Variants in SRD5A2 observed in about 807,000 individuals in gnomAD.
SRD5A2 encodes the protein 3-oxo-5-alpha-steroid 4-dehydrogenase 2.
SRD5A2 carries 30 observed loss-of-function variants against 27.4 expected under a neutral mutation model. The ratio of observed to expected loss-of-function variants is 1.10; its 90% confidence interval spans 0.82 to 1.49. SRD5A2 has a LOEUF of 1.49. SRD5A2 is among the 40% of genes most tolerant of loss of function. The pLI is 0.00. For missense variants in SRD5A2, 348 were observed against 323.4 expected (o/e 1.08, Z -0.58); for synonymous variants, 141 against 133.6 (o/e 1.06, Z -0.38).
the SRD5A2 span, among the ~76,000 whole-genome samples, chr2:31,621,225 T>C: frequency 6.6e-6 from 1 of 152,000 alleles, no homozygotes; most frequent in Non-Finnish European, 1.5e-5. Context: ...CAAAGGTTCC[T>C]TAGTTTGCCC....
chr2:31,651,458 C>T, the SRD5A2 span: 6 of 230,798 alleles, frequency 2.6e-5, no homozygotes, highest in East Asian at 6.6e-4. Context: ...GCTGGCCAAG[C>T]AGACTTATGG....
chr2:31,649,637 A>G, the SRD5A2 span, among the ~76,000 whole-genome samples: 179 of 152,084 alleles, frequency 1.2e-3, no homozygotes, highest in African/African-American at 4.1e-3. Flanking sequence ...TCAGTTTATC[A>G]CACTCTTCTG....
chr2:31,628,770 C>T, the SRD5A2 span, among the ~76,000 whole-genome samples: 1 of 152,024 alleles, frequency 6.6e-6, no homozygotes, highest in South Asian at 2.1e-4. Context: ...AATAGGCTCC[C>T]AATCTCTTCT....
At chr2:31,586,347 G>C in the SRD5A2 span, among the ~76,000 whole-genome samples, 1 of 152,222 alleles carries the variant, frequency 6.6e-6, no homozygotes, top group Non-Finnish European at 1.5e-5. Context: ...CTGAAGGGAA[G>C]GGCACAGACC....
the SRD5A2 span, among the ~76,000 whole-genome samples, chr2:31,624,245 CTT>C: frequency 4.6e-5 from 7 of 152,078 alleles, no homozygotes; most frequent in South Asian, 2.1e-4. Context: ...CAATTATACT[CTT>C]TTAGTTACTT....
chr2:31,526,831 T>C (rs1363772534), intron 4 of SRD5A2: 1 of 153,366 alleles, frequency 6.5e-6, no homozygotes, highest in African/African-American at 2.4e-5. Flanking sequence ...CTAGGACCAT[T>C]GCAGATAAAA....
At chr2:31,554,991 C>G (rs1012553707) in intron 1 of SRD5A2, among the ~76,000 whole-genome samples, 1 of 147,250 alleles carries the variant, frequency 6.8e-6, no homozygotes, top group African/African-American at 2.5e-5. Context: ...GTGTTACCGC[C>G]AGGCCAGTGA....
At chr2:31,653,849 G>A in the SRD5A2 span, among the ~76,000 whole-genome samples, 1,026 of 152,122 alleles carry the variant, frequency 6.7e-3, 76 homozygotes, top group East Asian at 0.16. Context: ...TAGTAGAAAC[G>A]GGTTTCACCA....
the SRD5A2 span, among the ~76,000 whole-genome samples, chr2:31,629,042 G>C: frequency 6.6e-6 from 1 of 151,976 alleles, no homozygotes; most frequent in East Asian, 1.9e-4. Context: ...AAAACTTATT[G>C]GTGAACCTTG....
chr2:31,572,078 C>T (rs1482385141), intron 1 of SRD5A2, among the ~76,000 whole-genome samples: 1 of 152,092 alleles, frequency 6.6e-6, no homozygotes, highest in Non-Finnish European at 1.5e-5. Context: ...TGAACTCAAC[C>T]TAAATATCCA....
At chr2:31,564,823 A>T (rs1666696890) in intron 1 of SRD5A2, among the ~76,000 whole-genome samples, 1 of 152,014 alleles carries the variant, frequency 6.6e-6, no homozygotes, top group Non-Finnish European at 1.5e-5. Flanking sequence ...AAGAAATAAA[A>T]ACACTTTCAG....
the SRD5A2 span, among the ~76,000 whole-genome samples, chr2:31,645,148 A>C: frequency 5.3e-5 from 8 of 152,172 alleles, no homozygotes; most frequent in African/African-American, 1.9e-4. Context: ...CACGTGTTTC[A>C]AGCTTTGAAG....
chr2:31,592,587 C>T, the SRD5A2 span, among the ~76,000 whole-genome samples: 3 of 152,128 alleles, frequency 2.0e-5, no homozygotes, highest in South Asian at 2.1e-4. Context: ...GGTGGCTAGA[C>T]CCAGAAAGGC....
chr2:31,580,599 C>A (rs757173295), intron 1 of SRD5A2, 21 bp downstream of exon 1: 1 of 1,510,668 alleles, frequency 6.6e-7, no homozygotes, highest in Admixed American at 2.0e-5. Flanking sequence ...GCACTGGGCG[C>A]CCGCAAGGGA....
the SRD5A2 span, among the ~76,000 whole-genome samples, chr2:31,594,924 T>C: frequency 5.9e-5 from 9 of 152,224 alleles, no homozygotes; most frequent in South Asian, 2.1e-4. Flanking sequence ...ACTATACAAA[T>C]ACATGGAAAT....
chr2:31,619,065 C>A, the SRD5A2 span, among the ~76,000 whole-genome samples: 1 of 151,946 alleles, frequency 6.6e-6, no homozygotes, highest in Non-Finnish European at 1.5e-5. Flanking sequence ...GAAAAGATGC[C>A]CACCATCATT....
chr2:31,528,808 A>G (rs1665836506), intron 4 of SRD5A2, among the ~76,000 whole-genome samples: 2 of 152,008 alleles, frequency 1.3e-5, no homozygotes, highest in African/African-American at 4.8e-5. Context: ...ATATCTGTGG[A>G]GCTTTGGAAA....
At chr2:31,607,728 A>T in the SRD5A2 span, among the ~76,000 whole-genome samples, 1 of 152,170 alleles carries the variant, frequency 6.6e-6, no homozygotes, top group African/African-American at 2.4e-5. Flanking sequence ...ATGCAAAAAC[A>T]AACAAAATAT....
chr2:31,581,594 A>C (rs1020508035), upstream of SRD5A2, among the ~76,000 whole-genome samples: 2 of 152,048 alleles, frequency 1.3e-5, no homozygotes, highest in Non-Finnish European at 2.9e-5. Context: ...GCATCCCCGC[A>C]CGCGTCCCTG....
Sources: allele counts gnomAD v4.1 joint callset (sites outside exome capture counted in the v4.1 genomes callset), GRCh38; gene constraint gnomAD v4.1.1; transcripts MANE v1.5; gene names NCBI Gene and HGNC (gene_info 2026-07-23, HGNC 2026-07-21).